The following MCC variants were observed in gnomAD, a reference collection of about 807,000 sequenced individuals.
MCC encodes the protein colorectal mutant cancer protein.
A neutral mutation model predicts 116.2 loss-of-function variants in MCC; 90 were observed. The ratio of observed to expected loss-of-function variants is 0.77; its 90% CI spans 0.65 to 0.92. The LOEUF is 0.92. Ranked by LOEUF, MCC falls within the 40% of genes least tolerant of loss-of-function variation. The probability of loss-of-function intolerance (pLI) is 0.00; values close to 1 mark genes in which losing one functional copy is unlikely to be tolerated. For synonymous variants in MCC, 578 were observed against 510.5 expected (o/e 1.13, Z -1.78); for missense variants, 1,516 against 1,312.2 (o/e 1.16, Z -2.40).
intron 3 of MCC, among the ~76,000 whole-genome samples, chr5:113,307,118 G>A (rs139382436): frequency 2.0e-5 from 3 of 152,122 alleles, no homozygotes; most frequent in South Asian, 2.1e-4. Flanking sequence ...TCTTCTTCAG[G>A]GTTGCTTGGG....
intron 2 of MCC, among the ~76,000 whole-genome samples, chr5:113,357,227 A>T (rs1768435889): frequency 6.6e-6 from 1 of 152,226 alleles, no homozygotes; most frequent in South Asian, 2.1e-4. Context: ...CTGATCAACA[A>T]ATGTTAGCCA....
chr5:113,105,238 A>T (rs1044181914), intron 6 of MCC, among the ~76,000 whole-genome samples: 1 of 152,182 alleles, frequency 6.6e-6, no homozygotes, highest in African/African-American at 2.4e-5. Context: ...GTCCAGCCTA[A>T]CCCTGCATGA....
chr5:113,055,932 C>G (rs1243668465), intron 14 of MCC, among the ~76,000 whole-genome samples: 1 of 152,222 alleles, frequency 6.6e-6, no homozygotes, highest in East Asian at 1.9e-4. Flanking sequence ...CTTTCAGACT[C>G]AGGATGGCAA....
intron 5 of MCC, among the ~76,000 whole-genome samples, chr5:113,131,956 CA>C (rs1429075844): frequency 6.6e-6 from 1 of 152,108 alleles, no homozygotes; most frequent in East Asian, 1.9e-4. Context: ...ATCCATACCA[CA>C]ATTTCTAAAT....
chr5:113,351,857 T>C (rs1392426039), intron 2 of MCC, among the ~76,000 whole-genome samples: 1 of 152,150 alleles, frequency 6.6e-6, no homozygotes, highest in Non-Finnish European at 1.5e-5. Flanking sequence ...AAAATACAAC[T>C]GTTCTGGGGT....
intron 5 of MCC, among the ~76,000 whole-genome samples, chr5:113,137,745 A>C (rs1050442338): frequency 3.3e-5 from 5 of 152,170 alleles, no homozygotes; most frequent in Non-Finnish European, 7.3e-5. Context: ...AGGTGTATTC[A>C]TAAGAAGGGC....
At chr5:113,348,586 C>T (rs1768188674) in intron 2 of MCC, among the ~76,000 whole-genome samples, 1 of 151,756 alleles carries the variant, frequency 6.6e-6, no homozygotes, top group African/African-American at 2.4e-5. Context: ...GAAGTTTATA[C>T]CTACCAATGC....
At chr5:113,196,601 A>G (rs1034502660) in intron 3 of MCC, among the ~76,000 whole-genome samples, 16 of 152,360 alleles carry the variant, frequency 1.1e-4, no homozygotes, top group Non-Finnish European at 2.1e-4. Flanking sequence ...CTATAATCCC[A>G]GCACTTTGGG....
At chr5:113,250,096 C>T (rs1407689368) in intron 3 of MCC, among the ~76,000 whole-genome samples, 1 of 152,216 alleles carries the variant, frequency 6.6e-6, no homozygotes, top group Non-Finnish European at 1.5e-5. Flanking sequence ...CCCCATAAGG[C>T]CAGCTTTGCT....
intron 3 of MCC, among the ~76,000 whole-genome samples, chr5:113,211,417 C>G (rs1325449110): frequency 6.6e-6 from 1 of 152,232 alleles, no homozygotes; most frequent in Non-Finnish European, 1.5e-5. Context: ...GCATTGGACA[C>G]TTCATCTGTT....
chr5:113,050,051 C>T (rs767312876), intron 15 of MCC, among the ~76,000 whole-genome samples: 2 of 152,200 alleles, frequency 1.3e-5, no homozygotes, highest in African/African-American at 2.4e-5. Flanking sequence ...TTACTGAGCA[C>T]GTGGCACTGT....
intron 3 of MCC, among the ~76,000 whole-genome samples, chr5:113,154,936 T>C (rs1484159535): frequency 1.3e-5 from 2 of 152,172 alleles, no homozygotes; most frequent in East Asian, 3.9e-4. Flanking sequence ...ATATACATTA[T>C]TGCCAGCTAT....
rs187296832 is a variant in MCC at position 113,073,197 on chromosome 5, C to T, written c.1785-1963G>A. Among the ~76,000 whole-genome samples, 52 of 152,256 alleles carry T rather than the reference C, an allele frequency of 3.4e-4. 1 individual carries two copies. The highest frequency in any genetic ancestry group is 1.2e-3 in the African/African-American group (50 of 41,540). On this transcript the variant is annotated intron_variant, in intron 11 of 18. Transcript: ENST00000408903. The stretch of plus-strand genomic sequence containing the variant: ...GAAGCCAAAAGATTGGACACCCCTG[C>T]ACTAGACCCCTGAGGATCTTTTTTG...
chr5:113,325,502 T>C (rs1332312556), intron 3 of MCC, among the ~76,000 whole-genome samples: 1 of 151,700 alleles, frequency 6.6e-6, no homozygotes, highest in Non-Finnish European at 1.5e-5. Flanking sequence ...GTAGCCACTC[T>C]TACTTTCATA....
chr5:113,211,869 G>C (rs763990424), intron 3 of MCC, among the ~76,000 whole-genome samples: 11 of 152,294 alleles, frequency 7.2e-5, no homozygotes, highest in Admixed American at 4.6e-4. Flanking sequence ...TTAGAAGCAT[G>C]AAAAATTGGA....
chr5:113,427,795 C>CATTAATAACCTAACCACACTA (rs1770523947), intron 1 of MCC, among the ~76,000 whole-genome samples: 2 of 152,130 alleles, frequency 1.3e-5, no homozygotes, highest in African/African-American at 4.8e-5. Flanking sequence ...TAAATGAGTT[C>CATTAATAACCTAACCACACTA]ATTAAACCTA....
intron 3 of MCC, among the ~76,000 whole-genome samples, chr5:113,246,992 G>A (rs909135883): frequency 2.0e-5 from 3 of 152,176 alleles, no homozygotes; most frequent in African/African-American, 4.8e-5. Context: ...GACTTCCAGA[G>A]GCTTTCTTCA....
intron 11 of MCC, among the ~76,000 whole-genome samples, chr5:113,076,338 T>A (rs1206848314): frequency 6.6e-6 from 1 of 151,802 alleles, no homozygotes; most frequent in Admixed American, 6.6e-5. Context: ...GAGAAGAGCA[T>A]CTCCAAGACA....
At chr5:113,405,113 T>C (rs1769793357) in intron 1 of MCC, among the ~76,000 whole-genome samples, 1 of 152,264 alleles carries the variant, frequency 6.6e-6, no homozygotes, top group Non-Finnish European at 1.5e-5. Context: ...AGCATCCTGA[T>C]ATCTAAAAAG....
Sources: gnomAD v4.1 joint callset for allele counts (sites outside exome capture counted in the v4.1 genomes callset) on GRCh38, gnomAD v4.1.1 for gene constraint, MANE v1.5 for transcripts, NCBI Gene and HGNC (gene_info 2026-07-23, HGNC 2026-07-21) for gene names.